Variants in GALNT9 observed in about 807,000 individuals in gnomAD.
GALNT9 encodes the protein GalNAc transferase 9.
Under a neutral mutation model 63.1 loss-of-function variants are expected in GALNT9, and 47 were observed. The ratio of observed to expected loss-of-function variants is 0.75; its 90% CI spans 0.59 to 0.95. GALNT9 has a LOEUF of 0.95. GALNT9 is among the 40% of genes least tolerant of loss of function. The pLI is 0.00. For synonymous variants in GALNT9, 396 were observed against 365.7 expected (o/e 1.08, Z -0.94); for missense variants, 829 against 874.8 (o/e 0.95, Z 0.66).
At chr12:132,326,714 A>G (rs1460156866) in intron 1 of GALNT9, among the ~76,000 whole-genome samples, 4 of 152,216 alleles carry the variant, frequency 2.6e-5, no homozygotes, top group Non-Finnish European at 4.4e-5. Context: ...CGGATGGATT[A>G]GTATCGAGTG....
intron 6 of GALNT9, among the ~76,000 whole-genome samples, chr12:132,247,285 A>G (rs1297154996): frequency 6.6e-6 from 1 of 152,224 alleles, no homozygotes; most frequent in Non-Finnish European, 1.5e-5. Context: ...CCAAGGTCCC[A>G]ATCCATTGTC....
chr12:132,290,719 C>T (rs1371640640), intron 1 of GALNT9, among the ~76,000 whole-genome samples: 1 of 105,784 alleles, frequency 9.5e-6, no homozygotes, highest in African/African-American at 5.0e-5. Flanking sequence ...GTCCACATCA[C>T]CCACGTCCAT....
At chr12:132,244,994 C>CG (rs879965509) in intron 6 of GALNT9, among the ~76,000 whole-genome samples, 31 of 148,682 alleles carry the variant, frequency 2.1e-4, no homozygotes, top group Non-Finnish European at 3.7e-4. Context: ...GGGGAGAGGT[C>CG]GGGGGAGAGG....
At chr12:132,266,536 C>G (rs1219944351) in intron 2 of GALNT9, among the ~76,000 whole-genome samples, 1 of 152,198 alleles carries the variant, frequency 6.6e-6, no homozygotes, top group Non-Finnish European at 1.5e-5. Flanking sequence ...GGCCGAGACT[C>G]GAATGGCACG....
intron 9 of GALNT9, among the ~76,000 whole-genome samples, 168 bp downstream of exon 9, chr12:132,199,006 G>C (rs1875773955): frequency 6.6e-6 from 1 of 152,018 alleles, no homozygotes; most frequent in African/African-American, 2.4e-5. Context: ...CGGGCTGGGA[G>C]GCCTCTTCTA....
chr12:132,269,018 C>A (rs1879764477), intron 2 of GALNT9, among the ~76,000 whole-genome samples: 1 of 152,234 alleles, frequency 6.6e-6, no homozygotes, highest in African/African-American at 2.4e-5. Flanking sequence ...GGAGTTCAAG[C>A]CAGGGCTAGA....
At chr12:132,278,048 C>G (rs905637106) in intron 2 of GALNT9, 1 of 146,270 alleles carries the variant, frequency 6.8e-6, no homozygotes, top group South Asian at 2.3e-4. Context: ...TAAACTCCTC[C>G]TCCCCATTCT....
chr12:132,281,825 C>T (rs1038367293), intron 2 of GALNT9, among the ~76,000 whole-genome samples: 12 of 151,846 alleles, frequency 7.9e-5, no homozygotes, highest in African/African-American at 2.4e-4. Context: ...GAGGAATCAG[C>T]TCCACTACAG....
intron 2 of GALNT9, chr12:132,280,377 G>A (rs1555241576): frequency 6.6e-6 from 1 of 152,296 alleles, no homozygotes; most frequent in African/African-American, 2.4e-5. Flanking sequence ...AGGCCCTGGA[G>A]ACAGATGTGC....
Position 132,197,262 on chromosome 12 carries a change from A to ACAG in GALNT9, c.1666-12_1666-10dup. ...CTCACAATGGGGCCACTCTGTGGGGACAGGCACATCAAGTCAGCCAGGTGC... is the reference window on the plus strand; with the variant it reads ...CTCACAATGGGGCCACTCTGTGGGGACAGCAGGCACATCAAGTCAGCCAGGTGC... On this transcript the variant is annotated splice_polypyrimidine_tract_variant and intron_variant, in intron 10 of 10. Coordinates refer to ENST00000328957, the MANE Select transcript of GALNT9 (RefSeq NM_001122636.2). 1 of 1,610,722 alleles carries ACAG rather than the reference A, an allele frequency of 6.2e-7. No individual in the cohort carries two copies. The highest frequency in any genetic ancestry group is 8.5e-7 in the Non-Finnish European group (1 of 1,179,832).
In GALNT9 at chr12:132,199,177, G is replaced by T; in HGVS notation, c.1494C>A (p.Ser498=). The change falls in exon 9 of 11, where the codon TCC becomes TCA. Residue 498 remains serine, a synonymous_variant. Transcript: ENST00000328957. ...AILYPCHGMS[S]QLVRYSADGL... Reference sequence around the variant, plus strand: ...GGGTGGCCGCTGCTACTCCTACCTGGGAGGACATCCCGTGGCAGGGGTAGA... The same window carrying T: ...GGGTGGCCGCTGCTACTCCTACCTGTGAGGACATCCCGTGGCAGGGGTAGA... 6.3e-7 allele frequency: 1 copy of T among 1,596,178 alleles called. No individual in the cohort carries two copies. The highest frequency in any genetic ancestry group is 1.1e-5 in the South Asian group (1 of 90,940).
At chr12:132,203,463 C>T (rs776830625) in intron 7 of GALNT9, 42 bp downstream of exon 7, 3 of 1,604,146 alleles carry the variant, frequency 1.9e-6, no homozygotes, top group Non-Finnish European at 2.6e-6. Flanking sequence ...TTGACCCCGA[C>T]CCTGGGGCAT....
intron 1 of GALNT9, among the ~76,000 whole-genome samples, chr12:132,290,639 C>T (rs1382077226): frequency 1.5e-5 from 2 of 130,262 alleles, no homozygotes; most frequent in Non-Finnish European, 3.2e-5. Context: ...CCCACGTCCA[C>T]ACCACCCACA....
intron 8 of GALNT9, among the ~76,000 whole-genome samples, chr12:132,199,760 GCCAACCT>G (rs1310762210): frequency 1.3e-5 from 2 of 152,226 alleles, no homozygotes; most frequent in African/African-American, 2.4e-5. Context: ...TCATCGGGCA[GCCAACCT>G]CCAGCCTCCA....
At chr12:132,302,595 G>A (rs782564866) in intron 1 of GALNT9, among the ~76,000 whole-genome samples, 3 of 152,204 alleles carry the variant, frequency 2.0e-5, no homozygotes, top group South Asian at 2.1e-4. Flanking sequence ...CCTGGTGAAC[G>A]CAGCACACAC....
Position 132,199,318 on chromosome 12 carries a change from G to A in GALNT9, c.1402-49C>T, listed in dbSNP as rs151022832. Reference sequence around the variant, plus strand: ...AAGTCCAGAGTCACCCGAGGGTGCGGCCCCAGGGAGCTTCACGCAGCCAGC... The same window carrying A: ...AAGTCCAGAGTCACCCGAGGGTGCGACCCCAGGGAGCTTCACGCAGCCAGC... On this transcript the variant is annotated intron_variant, in intron 8 of 10. Coordinates refer to ENST00000328957, the MANE Select transcript of GALNT9 (RefSeq NM_001122636.2). The A allele has an allele frequency of 6.6e-3, 8,621 of 1,301,220 alleles. 47 individuals are homozygous for A. Among genetic ancestry groups the A allele is most frequent in the Non-Finnish European group, 8.6e-3 (7,833 of 912,190 alleles). 80.6% of individuals were successfully genotyped at this position (1,301,220 alleles called of 1,614,324 possible).
At chr12:132,305,181 A>AGAAT (rs1881540777) in intron 1 of GALNT9, among the ~76,000 whole-genome samples, 1 of 50,286 alleles carries the variant, frequency 2.0e-5, no homozygotes, top group African/African-American at 1.0e-4. Flanking sequence ...GCCCGGGCAC[A>AGAAT]CGCTCACCCA....
At chr12:132,267,470 C>A (rs535698853) in intron 2 of GALNT9, among the ~76,000 whole-genome samples, 1 of 152,188 alleles carries the variant, frequency 6.6e-6, no homozygotes, top group Non-Finnish European at 1.5e-5. Flanking sequence ...GAACCCACAC[C>A]GTCGCCCAGC....
rs1868688968 is a variant in GALNT9 at position 132,319,643 on chromosome 12, GT to G, written c.238+9322del. On this transcript the variant is annotated intron_variant, in intron 1 of 10. Transcript: ENST00000328957. The surrounding 1 kb of genome is among the most constrained non-coding windows in gnomAD (Gnocchi z 5.2). The stretch of plus-strand genomic sequence containing the variant: ...GAGCCCTGACGCACACACTAGCTGA[GT>G]TTGCTTTTCAACAGGCCTTTCCGTC... 6.6e-6 allele frequency among the ~76,000 whole-genome samples: 1 copy of G among 152,156 alleles called. No homozygotes were observed. The highest frequency in any genetic ancestry group is 1.5e-5 in the Non-Finnish European group (1 of 68,032).
Sources: gnomAD v4.1 joint callset for allele counts (sites outside exome capture counted in the v4.1 genomes callset) on GRCh38, gnomAD v4.1.1 for gene constraint, Gnocchi (gnomAD v3.1) non-coding constraint, MANE v1.5 for transcripts, NCBI Gene and HGNC (gene_info 2026-07-23, HGNC 2026-07-21) for gene names.